CAMK2D: variants seen among roughly 807,000 people sequenced by gnomAD.
CAMK2D encodes the protein calcium/calmodulin-dependent protein kinase type II subunit delta.
A neutral mutation model predicts 84.0 loss-of-function variants in CAMK2D; 37 were observed. The observed-to-expected ratio is 0.44, with a 90% CI of 0.34 to 0.58. The LOEUF (loss-of-function observed/expected upper bound fraction) is 0.58. Ranked by LOEUF, CAMK2D falls within the 20% of genes least tolerant of loss-of-function variation. The pLI is 0.02. For missense variants in CAMK2D, 448 were observed against 652.5 expected (o/e 0.69, Z 3.41); for synonymous variants, 202 against 212.5 (o/e 0.95, Z 0.43).
intron 3 of CAMK2D, among the ~76,000 whole-genome samples, chr4:113,612,022 ACT>A (rs1232808640): frequency 6.6e-6 from 1 of 151,604 alleles, no homozygotes; most frequent in Non-Finnish European, 1.5e-5. Context: ...ACTTCCTTCC[ACT>A]CTCTTATTTT....
chr4:113,526,811 A>G (rs568496639), intron 8 of CAMK2D, among the ~76,000 whole-genome samples: 1 of 152,116 alleles, frequency 6.6e-6, no homozygotes, highest in Non-Finnish European at 1.5e-5. Context: ...GTTATTAAAA[A>G]TGCAGTTGCC....
At chr4:113,698,731 A>G (rs2099410044) in intron 2 of CAMK2D, among the ~76,000 whole-genome samples, 1 of 152,122 alleles carries the variant, frequency 6.6e-6, no homozygotes, top group South Asian at 2.1e-4. Context: ...ATTTTGTGAT[A>G]GGTATATGAC....
chr4:113,753,389 C>T lies in CAMK2D; in HGVS notation c.160+5931G>A, dbSNP rs72903611. Among the ~76,000 whole-genome samples the T allele has an allele frequency of 2.8e-3, 431 of 151,866 alleles. 1 individual carries two copies. Among genetic ancestry groups the T allele is most frequent in the African/African-American group, 9.8e-3 (408 of 41,476 alleles). On this transcript the variant is annotated intron_variant, in intron 2 of 20. Coordinates refer to ENST00000511664, the MANE Select transcript of CAMK2D (RefSeq NM_001321571.2). ...AGACTGTAACACCAGAAAAGGGGCTCAGGTAACTAAAAAAATCAGTGATGT... is the reference window on the plus strand; with the variant it reads ...AGACTGTAACACCAGAAAAGGGGCTTAGGTAACTAAAAAAATCAGTGATGT...
chr4:113,675,501 A>C (rs1032066296), intron 2 of CAMK2D, among the ~76,000 whole-genome samples: 2 of 152,338 alleles, frequency 1.3e-5, no homozygotes, highest in African/African-American at 2.4e-5. Flanking sequence ...TCCAGACAAG[A>C]TGTATCCCCA....
rs528077298 is a variant in CAMK2D at position 113,534,625 on chromosome 4, G to A, written c.517+2716C>T. Among the ~76,000 whole-genome samples the A allele has an allele frequency of 8.5e-5, 13 of 152,192 alleles. No homozygotes were observed. In the East Asian group the frequency reaches 2.5e-3, roughly 29 times the overall value. ...TGGATGCTATTGCTTTTACTGACCT[G>A]ATATTCAGTCCTCTACTCACTGATT... On this transcript the variant is annotated intron_variant, in intron 7 of 20. Coordinates refer to ENST00000511664, the MANE Select transcript of CAMK2D (RefSeq NM_001321571.2).
intron 15 of CAMK2D, 130 bp downstream of exon 15, chr4:113,502,806 C>T (rs756532424): frequency 2.9e-6 from 2 of 683,790 alleles, no homozygotes. Flanking sequence ...AAATTAGGCC[C>T]AAAAGGAAGT....
chr4:113,628,728 G>A (rs2154282957), intron 3 of CAMK2D, among the ~76,000 whole-genome samples: 1 of 152,014 alleles, frequency 6.6e-6, no homozygotes, highest in South Asian at 2.1e-4. Context: ...CCTGTTGATG[G>A]TAAAGGTAAT....
chr4:113,638,373 T>C (rs1261801012), intron 3 of CAMK2D, among the ~76,000 whole-genome samples: 1 of 151,860 alleles, frequency 6.6e-6, no homozygotes, highest in Non-Finnish European at 1.5e-5. Flanking sequence ...AGATAGAGGT[T>C]TGGAGAATAT....
chr4:113,492,049 T>G (rs958774703), intron 16 of CAMK2D, among the ~76,000 whole-genome samples: 24 of 152,216 alleles, frequency 1.6e-4, no homozygotes, highest in Non-Finnish European at 2.6e-4. Context: ...TTTATTAGTC[T>G]TCCTAGCGGT....
At chr4:113,529,753 G>A (rs1458159000) in intron 8 of CAMK2D, among the ~76,000 whole-genome samples, 1 of 152,082 alleles carries the variant, frequency 6.6e-6, no homozygotes, top group Non-Finnish European at 1.5e-5. Flanking sequence ...TGTCCCCTCG[G>A]GATGGTCAAT....
intron 3 of CAMK2D, among the ~76,000 whole-genome samples, chr4:113,643,381 G>C (rs186160146): frequency 2.2e-4 from 34 of 152,290 alleles, no homozygotes; most frequent in Non-Finnish European, 2.9e-5. Flanking sequence ...TCAGAAACAG[G>C]GCTGTCTATG....
At chr4:113,535,407 G>C (rs1240618429) in intron 7 of CAMK2D, among the ~76,000 whole-genome samples, 1 of 152,038 alleles carries the variant, frequency 6.6e-6, no homozygotes, top group Non-Finnish European at 1.5e-5. Context: ...TAGTCTAACT[G>C]GGTCCTTGCT....
intron 4 of CAMK2D, among the ~76,000 whole-genome samples, chr4:113,591,620 G>A (rs6533701): frequency 0.69 from 105,557 of 152,024 alleles, 36,838 homozygotes; most frequent in Middle Eastern, 0.73. Context: ...TGCAAGGATG[G>A]TAAAACTGGA....
At chr4:113,540,676 T>C (rs2098524669) in intron 6 of CAMK2D, among the ~76,000 whole-genome samples, 1 of 152,336 alleles carries the variant, frequency 6.6e-6, no homozygotes, top group African/African-American at 2.4e-5. Context: ...CACTGGATTT[T>C]ATCATAGGAG....
At chr4:113,609,344 T>A in intron 3 of CAMK2D, 138 bp from the exon 4 acceptor site, 1 of 604,602 alleles carries the variant, frequency 1.7e-6, no homozygotes. Flanking sequence ...TACGTCCGTA[T>A]CTTTTACAAC....
intron 8 of CAMK2D, among the ~76,000 whole-genome samples, chr4:113,528,972 GA>G (rs2098440230): frequency 6.6e-6 from 1 of 152,146 alleles, no homozygotes; most frequent in African/African-American, 2.4e-5. Context: ...TAGGTAGCAG[GA>G]AGACAGAGCT....
At chr4:113,702,553 T>C (rs910315987) in intron 2 of CAMK2D, among the ~76,000 whole-genome samples, 2 of 152,004 alleles carry the variant, frequency 1.3e-5, no homozygotes, top group African/African-American at 4.8e-5. Context: ...AGCAAAAAAA[T>C]ATATAATTTT....
intron 16 of CAMK2D, among the ~76,000 whole-genome samples, chr4:113,496,952 G>A (rs1009664532): frequency 1.4e-4 from 22 of 152,174 alleles, no homozygotes; most frequent in Non-Finnish European, 2.2e-4. Flanking sequence ...AAAAAGAAGA[G>A]TTGTAAAACA....
At chr4:113,529,447 C>T (rs987212438) in intron 8 of CAMK2D, among the ~76,000 whole-genome samples, 2 of 152,068 alleles carry the variant, frequency 1.3e-5, no homozygotes, top group African/African-American at 4.8e-5. Context: ...TGACAAACAC[C>T]AAAGGCACTG....
Sources: allele counts gnomAD v4.1 joint callset (sites outside exome capture counted in the v4.1 genomes callset), GRCh38; gene constraint gnomAD v4.1.1; transcripts MANE v1.5; gene names NCBI Gene and HGNC (gene_info 2026-07-23, HGNC 2026-07-21).